The following GREM2 variants were observed in gnomAD, a reference collection of about 807,000 sequenced individuals.
GREM2 encodes gremlin 2, DAN family BMP antagonist, also known as gremlin-2.
In GREM2, 11 loss-of-function variants were observed where a neutral mutation model predicts 14.2. The ratio of observed to expected loss-of-function variants is 0.78; its 90% confidence interval spans 0.49 to 1.28. The LOEUF (loss-of-function observed/expected upper bound fraction) is 1.28. GREM2 is among the 50% of genes most tolerant of loss of function. The pLI, the probability that GREM2 is intolerant of heterozygous loss-of-function variation, is 0.00. For missense variants in GREM2, 210 were observed against 218.5 expected (o/e 0.96, Z 0.24); for synonymous variants, 98 against 97.6 (o/e 1.00, Z -0.02).
intron 1 of GREM2, among the ~76,000 whole-genome samples, chr1:240,517,088 C>A (rs11580416): frequency 0.39 from 59,859 of 151,984 alleles, 12,148 homozygotes; most frequent in East Asian, 0.72. Context: ...TAATACATAT[C>A]AGGCTTTCAC....
intron 1 of GREM2, among the ~76,000 whole-genome samples, chr1:240,583,812 C>T (rs1007250283): frequency 3.3e-5 from 5 of 152,056 alleles, no homozygotes; most frequent in African/African-American, 1.2e-4. Context: ...CCTTGTTGGC[C>T]AGGATGGTCT....
chr1:240,502,621 G>A (rs1474455756), intron 1 of GREM2, among the ~76,000 whole-genome samples: 1 of 152,110 alleles, frequency 6.6e-6, no homozygotes, highest in Non-Finnish European at 1.5e-5. Context: ...AATTCTATAT[G>A]TTCCAAATCT....
chr1:240,533,052 T>C (rs1285550324), intron 1 of GREM2, among the ~76,000 whole-genome samples: 2 of 152,190 alleles, frequency 1.3e-5, no homozygotes, highest in East Asian at 3.9e-4. Flanking sequence ...ATACAGAAAC[T>C]ACCCACAAAG....
intron 1 of GREM2, among the ~76,000 whole-genome samples, chr1:240,556,603 GA>G (rs1678954858): frequency 1.3e-5 from 2 of 151,770 alleles, no homozygotes; most frequent in East Asian, 3.9e-4. Flanking sequence ...TATTGAGGCA[GA>G]AAAAAACTTC....
chr1:240,498,920 C>T (rs544234086), intron 1 of GREM2, among the ~76,000 whole-genome samples: 15 of 152,316 alleles, frequency 9.8e-5, no homozygotes, highest in Admixed American at 9.2e-4. Flanking sequence ...TGCTGATGGT[C>T]TAAGCAGACT....
chr1:240,499,879 A>G (rs1677527426), intron 1 of GREM2, among the ~76,000 whole-genome samples: 1 of 152,238 alleles, frequency 6.6e-6, no homozygotes, highest in Admixed American at 6.5e-5. Flanking sequence ...AGACCTGAAT[A>G]TAATGCCCAT....
intron 1 of GREM2, among the ~76,000 whole-genome samples, chr1:240,610,679 A>G (rs888120236): frequency 1.1e-4 from 16 of 152,200 alleles, no homozygotes; most frequent in Non-Finnish European, 4.4e-5. Flanking sequence ...TTATCAGTGA[A>G]TGGTTTGGAT....
intron 1 of GREM2, among the ~76,000 whole-genome samples, chr1:240,599,148 G>A (rs1388225765): frequency 6.6e-6 from 1 of 151,842 alleles, no homozygotes; most frequent in Non-Finnish European, 1.5e-5. Context: ...CACGCCTGTA[G>A]TCCCAGCTAC....
At chr1:240,545,524 C>T (rs1417176323) in intron 1 of GREM2, among the ~76,000 whole-genome samples, 6 of 92,534 alleles carry the variant, frequency 6.5e-5, no homozygotes, top group African/African-American at 3.8e-4. Context: ...AAAATTGTAA[C>T]TAAAGGGTCA....
intron 1 of GREM2, among the ~76,000 whole-genome samples, chr1:240,517,512 G>A (rs1677979568): frequency 6.6e-6 from 1 of 152,170 alleles, no homozygotes; most frequent in African/African-American, 2.4e-5. Flanking sequence ...CCCTCTGAAT[G>A]GGAATTATAG....
Position 240,542,601 on chromosome 1 carries a change from G to A in GREM2, c.-1-49125C>T, listed in dbSNP as rs940821702. Among the ~76,000 whole-genome samples the A allele has an allele frequency of 1.1e-4, 16 of 151,950 alleles. No homozygotes were observed. Among genetic ancestry groups the A allele is most frequent in the African/African-American group, 3.4e-4 (14 of 41,480 alleles). On this transcript the variant is annotated intron_variant, in intron 1 of 1. Transcript: ENST00000318160. This position sits in a 1 kb window ranked among gnomAD's most constrained non-coding sequence, Gnocchi z 4.1. ...CTGCACTCCAGCCTAGTGACAGAGC[G>A]AGACTCCATCTCAAAAATAAATAAA... is the stretch of plus-strand genomic sequence containing the variant.
chr1:240,534,447 T>G (rs976139409), intron 1 of GREM2, among the ~76,000 whole-genome samples: 8 of 152,156 alleles, frequency 5.3e-5, no homozygotes, highest in African/African-American at 1.9e-4. Flanking sequence ...CCCAGCACTT[T>G]GGGAGGCTGA....
intron 1 of GREM2, among the ~76,000 whole-genome samples, chr1:240,562,800 AGT>A (rs1165539542): frequency 2.1e-5 from 3 of 143,864 alleles, no homozygotes; most frequent in South Asian, 2.2e-4. Context: ...TGTGTATGTG[AGT>A]GTGTATGTGT....
chr1:240,570,850 T>C (rs1679247352), intron 1 of GREM2, among the ~76,000 whole-genome samples: 1 of 152,222 alleles, frequency 6.6e-6, no homozygotes, highest in South Asian at 2.1e-4. Flanking sequence ...CCTTTCTCTC[T>C]TTTTACATTA....
At chr1:240,592,186 A>C (rs892346956) in intron 1 of GREM2, among the ~76,000 whole-genome samples, 1 of 152,188 alleles carries the variant, frequency 6.6e-6, no homozygotes, top group East Asian at 1.9e-4. Context: ...TTCATCTAGA[A>C]GGTGAGTGAA....
chr1:240,583,607 CTT>C (rs869097805), intron 1 of GREM2, among the ~76,000 whole-genome samples: 3 of 84,708 alleles, frequency 3.5e-5, no homozygotes, highest in Non-Finnish European at 4.7e-5. Flanking sequence ...TCATCTCTAT[CTT>C]TTTTTTTTTT....
intron 1 of GREM2, among the ~76,000 whole-genome samples, chr1:240,585,729 CAAAAAAAAAAA>C (rs370321961): frequency 1.6e-4 from 11 of 67,832 alleles, no homozygotes; most frequent in South Asian, 4.7e-4. Context: ...GACTCCATCT[CAAAAAAAAAAA>C]AAAAAAAAAA....
chr1:240,547,532 T>TATATATATATATATAGACAGATAG lies in GREM2; in HGVS notation c.-1-54057_-1-54056insCTATCTGTCTATATATATATATAT, dbSNP rs1187770486. Among the ~76,000 whole-genome samples, 31 of 121,860 alleles carry TATATATATATATATAGACAGATAG rather than the reference T, an allele frequency of 2.5e-4. 1 individual carries two copies. The highest frequency in any genetic ancestry group is 1.1e-3 in the African/African-American group (31 of 27,070). The allele number at this position is 121,860 out of a possible 152,430, so 79.9% of individuals were successfully genotyped here. A position where few individuals can be genotyped will look rare whatever the true frequency, so the allele number is the denominator to read the frequency against. ...AAAAAAAAATATATATATATATATA[T>TATATATATATATATAGACAGATAG]ATAGATAGATAGATAGATAGATAGA... is the stretch of plus-strand genomic sequence containing the variant. On this transcript the variant is annotated intron_variant, in intron 1 of 1. Coordinates refer to ENST00000318160, the MANE Select transcript of GREM2 (RefSeq NM_022469.4).
At chr1:240,585,827 T>G (rs1223909490) in intron 1 of GREM2, among the ~76,000 whole-genome samples, 2 of 151,466 alleles carry the variant, frequency 1.3e-5, no homozygotes, top group Non-Finnish European at 2.9e-5. Flanking sequence ...GTAACCTACT[T>G]GGCCCAGGAA....
Sources: gnomAD v4.1 joint callset for allele counts (sites outside exome capture counted in the v4.1 genomes callset) on GRCh38, gnomAD v4.1.1 for gene constraint, Gnocchi (gnomAD v3.1) non-coding constraint, MANE v1.5 for transcripts, NCBI Gene and HGNC (gene_info 2026-07-23, HGNC 2026-07-21) for gene names.